The following DOCK2 variants were observed in gnomAD, a reference collection of about 807,000 sequenced individuals.
The protein encoded by DOCK2 is dedicator of cytokinesis protein 2.
In DOCK2, 87 loss-of-function variants were observed where a neutral mutation model predicts 248.9. The observed-to-expected ratio is 0.35, with a 90% confidence interval of 0.29 to 0.42. The LOEUF is 0.42. Among genes scored for constraint, DOCK2 ranks in the 10% least tolerant of loss-of-function variants. The pLI, the probability that DOCK2 is intolerant of heterozygous loss-of-function variation, is 1.00. For synonymous variants in DOCK2, 805 were observed against 821.6 expected (o/e 0.98, Z 0.35); for missense variants, 1,747 against 2,300.2 (o/e 0.76, Z 4.92).
chr5:169,911,517 G>A (rs1382344516), intron 27 of DOCK2, among the ~76,000 whole-genome samples: 1 of 152,150 alleles, frequency 6.6e-6, no homozygotes. Flanking sequence ...TTTATTACCT[G>A]CTGGTGAGAG....
intron 27 of DOCK2, among the ~76,000 whole-genome samples, chr5:169,886,915 G>A (rs1773005101): frequency 6.6e-6 from 1 of 152,170 alleles, no homozygotes; most frequent in Non-Finnish European, 1.5e-5. Context: ...GCCAGGCATT[G>A]TGATTGGTAT....
Position 170,055,381 on chromosome 5 carries a change from T to G in DOCK2, c.4290T>G (p.Ile1430Met). ...RFKNKPVPDQ[I>M]INFYKSNYVQ... Reference sequence around the variant, plus strand: ...AGAATAAGCCAGTGCCTGACCAGATTATAAAGTAAGACTCGTTGTCCACAG... The same window carrying G: ...AGAATAAGCCAGTGCCTGACCAGATGATAAAGTAAGACTCGTTGTCCACAG... Residue 1430 changes from isoleucine (I) to methionine (M), a missense_variant, in exon 42 of 52, where the codon ATT becomes ATG. Ile to Met is a conservative substitution (Grantham distance 10). This residue lies in a region of DOCK2 where 513 missense variants were observed against 586.1 expected (regional missense o/e 0.88). Transcript: ENST00000520908. 6.2e-7 allele frequency: 1 copy of G among 1,613,936 alleles called. No homozygotes were observed. Among genetic ancestry groups the G allele is most frequent in the South Asian group, 1.1e-5 (1 of 91,064 alleles).
chr5:170,023,643 G>A (rs918629074), intron 33 of DOCK2, among the ~76,000 whole-genome samples: 6 of 152,092 alleles, frequency 3.9e-5, no homozygotes, highest in Non-Finnish European at 5.9e-5. Flanking sequence ...AGAAAGCCGC[G>A]CTGACTTCCA....
intron 21 of DOCK2, among the ~76,000 whole-genome samples, 167 bp from the exon 22 acceptor site, chr5:169,718,490 G>A (rs2113557672): frequency 6.6e-6 from 1 of 151,826 alleles, no homozygotes; most frequent in South Asian, 2.1e-4. Flanking sequence ...TTAATTCCCT[G>A]TAATAAATAT....
chr5:169,668,374 T>C (rs1309503975), intron 2 of DOCK2, among the ~76,000 whole-genome samples: 1 of 152,226 alleles, frequency 6.6e-6, no homozygotes, highest in East Asian at 1.9e-4. Context: ...CAGAGTTTCC[T>C]TTAGGACCTG....
chr5:169,746,505 C>T (rs556826761), intron 22 of DOCK2, among the ~76,000 whole-genome samples: 1 of 152,184 alleles, frequency 6.6e-6, no homozygotes, highest in African/African-American at 2.4e-5. Context: ...ACAGGAGAGA[C>T]TCTCTTTATC....
chr5:169,673,996 C>A (rs1759189435), intron 5 of DOCK2, among the ~76,000 whole-genome samples: 1 of 152,246 alleles, frequency 6.6e-6, no homozygotes, highest in Non-Finnish European at 1.5e-5. Context: ...TCCATTAGGG[C>A]AGATGTTCGT....
chr5:170,046,377 A>G (rs1377444625), intron 39 of DOCK2, among the ~76,000 whole-genome samples: 18 of 152,118 alleles, frequency 1.2e-4, no homozygotes, highest in Non-Finnish European at 2.5e-4. Context: ...AGCCCAGCCA[A>G]TCCTGCTTGT....
chr5:169,729,368 G>A (rs994081479), intron 22 of DOCK2, among the ~76,000 whole-genome samples: 1 of 152,154 alleles, frequency 6.6e-6, no homozygotes, highest in African/African-American at 2.4e-5. Context: ...CACTCATTGG[G>A]CTTGTTATTT....
intron 41 of DOCK2, 140 bp downstream of exon 41, chr5:170,050,537 T>A: frequency 7.9e-6 from 8 of 1,012,168 alleles, no homozygotes; most frequent in Non-Finnish European, 1.2e-5. Flanking sequence ...ACATGCAACA[T>A]GTTCTTTGGA....
intron 32 of DOCK2, among the ~76,000 whole-genome samples, chr5:170,013,978 G>A (rs1160587323): frequency 6.6e-6 from 1 of 152,036 alleles, no homozygotes; most frequent in Non-Finnish European, 1.5e-5. Context: ...GGAAACTTGG[G>A]GCACCCAGAG....
chr5:169,788,276 T>G (rs767373212), intron 25 of DOCK2, among the ~76,000 whole-genome samples: 2 of 152,212 alleles, frequency 1.3e-5, no homozygotes, highest in Non-Finnish European at 2.9e-5. Flanking sequence ...TGACACATAC[T>G]TTTTCACATG....
intron 26 of DOCK2, among the ~76,000 whole-genome samples, chr5:169,824,178 T>G (rs1211154220): frequency 6.6e-6 from 1 of 151,984 alleles, no homozygotes; most frequent in Non-Finnish European, 1.5e-5. Context: ...ATCAATATCG[T>G]GAAAATGGCC....
chr5:169,808,252 C>G (rs922801886), intron 26 of DOCK2, among the ~76,000 whole-genome samples: 3 of 152,096 alleles, frequency 2.0e-5, no homozygotes, highest in Non-Finnish European at 4.4e-5. Flanking sequence ...CAGGGTAGAA[C>G]CACGTGTGGA....
At chr5:169,757,957 G>A (rs1764280137) in intron 23 of DOCK2, among the ~76,000 whole-genome samples, 2 of 152,128 alleles carry the variant, frequency 1.3e-5, no homozygotes. Flanking sequence ...TATCTTCCAA[G>A]GTAATTGACA....
intron 26 of DOCK2, among the ~76,000 whole-genome samples, chr5:169,806,446 A>T (rs1767367612): frequency 6.6e-6 from 1 of 152,024 alleles, no homozygotes; most frequent in Non-Finnish European, 1.5e-5. Context: ...GGAGCTTTTT[A>T]AAAGTCAAAC....
At chr5:170,081,369 A>ACTAATTTTTCATGTCTCTGTGACG (rs1303026259) in intron 50 of DOCK2, 1 of 157,972 alleles carries the variant, frequency 6.3e-6, no homozygotes, top group African/African-American at 2.4e-5. Context: ...TCAGAGAGTA[A>ACTAATTTTTCATGTCTCTGTGACG]CTAATTTTTC....
At chr5:169,752,575 CAAAAAATTAAAAAAA>C (rs147161024) in intron 23 of DOCK2, among the ~76,000 whole-genome samples, 6,722 of 143,538 alleles carry the variant, frequency 0.047, 466 homozygotes, top group African/African-American at 0.16. Flanking sequence ...CCTGTCTCGA[CAAAAAATTAAAAAAA>C]AAAAAATTAG....
Position 169,763,757 on chromosome 5 carries a change from C to T in DOCK2, c.2554+2132C>T, listed in dbSNP as rs1020501945. Reference sequence around the variant, plus strand: ...CACAGTTAAAAAAGAAAGCAAAATTCTTACCTTTAAATACATACAGAGACT... The same window carrying T: ...CACAGTTAAAAAAGAAAGCAAAATTTTTACCTTTAAATACATACAGAGACT... On this transcript the variant is annotated intron_variant, in intron 25 of 51. Coordinates refer to ENST00000520908, the MANE Select transcript of DOCK2 (RefSeq NM_004946.3). The surrounding 1 kb of genome is among the most constrained non-coding windows in gnomAD (Gnocchi z 4.1). Among the ~76,000 whole-genome samples, 2 of 152,238 alleles carry T rather than the reference C, an allele frequency of 1.3e-5. No homozygotes were observed. Among genetic ancestry groups the T allele is most frequent in the African/African-American group, 4.8e-5 (2 of 41,452 alleles).
Sources: allele counts gnomAD v4.1 joint callset (sites outside exome capture counted in the v4.1 genomes callset), GRCh38; gene constraint gnomAD v4.1.1; regional missense constraint gnomAD v4.1.1; non-coding constraint Gnocchi (gnomAD v3.1); transcripts MANE v1.5; gene names NCBI Gene and HGNC (gene_info 2026-07-23, HGNC 2026-07-21).